Variants in TENM4 observed in about 807,000 individuals in gnomAD.
TENM4 encodes the protein teneurin-4.
A neutral mutation model predicts 243.3 loss-of-function variants in TENM4; 82 were observed. The ratio of observed to expected loss-of-function variants is 0.34; its 90% CI spans 0.28 to 0.40. TENM4 has a LOEUF of 0.40. TENM4 is among the 10% of genes least tolerant of loss of function. The pLI, the probability that TENM4 is intolerant of heterozygous loss-of-function variation, is 1.00. For synonymous variants in TENM4, 1,412 were observed against 1,456.3 expected, an observed-to-expected ratio of 0.97 and a Z score of 0.69; for missense variants, 3,138 against 3,673.3, an observed-to-expected ratio of 0.85 and a Z score of 3.77.
At chr11:79,383,992 C>A (rs1189706217) in intron 1 of TENM4, among the ~76,000 whole-genome samples, 1 of 152,116 alleles carries the variant, frequency 6.6e-6, no homozygotes, top group Non-Finnish European at 1.5e-5. Flanking sequence ...ATCAAGATAA[C>A]CTGCCCCCCC....
intron 6 of TENM4, among the ~76,000 whole-genome samples, chr11:78,991,407 A>C (rs2136664524): frequency 6.6e-6 from 1 of 152,302 alleles, no homozygotes; most frequent in East Asian, 1.9e-4. Flanking sequence ...CTGAGAAAGA[A>C]AGGCAGGATG....
At chr11:79,432,984 C>T (rs1388516164) in intron 1 of TENM4, among the ~76,000 whole-genome samples, 1 of 152,164 alleles carries the variant, frequency 6.6e-6, no homozygotes, top group Admixed American at 6.5e-5. Flanking sequence ...TTTTCCATCT[C>T]CTATAGGATC....
At chr11:79,361,515 A>G (rs1337075684) in intron 1 of TENM4, among the ~76,000 whole-genome samples, 3 of 152,144 alleles carry the variant, frequency 2.0e-5, no homozygotes, top group African/African-American at 4.8e-5. Flanking sequence ...TCACACTCCC[A>G]GTGTTGCTAG....
chr11:79,284,024 A>G (rs990394975), intron 2 of TENM4, among the ~76,000 whole-genome samples: 1 of 152,230 alleles, frequency 6.6e-6, no homozygotes, highest in Non-Finnish European at 1.5e-5. Flanking sequence ...TATACTAAAT[A>G]TTATAAAACA....
At chr11:78,879,055 G>A (rs1331029373) in intron 9 of TENM4, among the ~76,000 whole-genome samples, 2 of 151,254 alleles carry the variant, frequency 1.3e-5, no homozygotes, top group African/African-American at 4.9e-5. Flanking sequence ...CCCCATCTAG[G>A]AAGTGAGGAG....
intron 25 of TENM4, among the ~76,000 whole-genome samples, chr11:78,718,237 G>C (rs1166423106): frequency 3.3e-5 from 5 of 152,156 alleles, no homozygotes; most frequent in African/African-American, 1.2e-4. Context: ...GCTGAACCCA[G>C]GCTCTCTGTC....
intron 6 of TENM4, among the ~76,000 whole-genome samples, chr11:78,946,968 C>A (rs1184024160): frequency 6.6e-6 from 1 of 152,158 alleles, no homozygotes; most frequent in East Asian, 1.9e-4. Context: ...ATGCTGTGAA[C>A]ATTGTTGAAA....
chr11:79,280,980 A>G (rs1856147696), intron 2 of TENM4, among the ~76,000 whole-genome samples: 1 of 152,170 alleles, frequency 6.6e-6, no homozygotes, highest in African/African-American at 2.4e-5. Flanking sequence ...GTCACAGTCA[A>G]TTTGTTTTTC....
In TENM4 at chr11:79,065,016, A is replaced by T. The variant is rs1160254386; in HGVS notation, c.224-9T>A. The T allele has an allele frequency of 2.1e-5, 31 of 1,455,208 alleles. No individual in the cohort carries two copies. The highest frequency in any genetic ancestry group is 1.9e-4 in the South Asian group (13 of 68,538). 90.1% of individuals were successfully genotyped at this position (1,455,208 alleles called of 1,614,324 possible). A position where few individuals can be genotyped will look rare whatever the true frequency, so the allele number is the denominator to read the frequency against. ...CAGGGTGAAGTTGGCACCTGGGAGG[A>T]AACACAGGTGAACTTGGTTAGGGCA... On this transcript the variant is annotated splice_polypyrimidine_tract_variant and intron_variant, in intron 5 of 33. Coordinates refer to ENST00000278550, the MANE Select transcript of TENM4 (RefSeq NM_001098816.3).
chr11:78,904,229 G>A (rs148577530), intron 6 of TENM4, among the ~76,000 whole-genome samples: 5,703 of 151,590 alleles, frequency 0.038, 337 homozygotes, highest in African/African-American at 0.12. Context: ...GCGTGGTGGC[G>A]GGCGCCTGTA....
At chr11:78,667,966 GGCT>G (rs1182053993) in intron 32 of TENM4, among the ~76,000 whole-genome samples, 3 of 152,186 alleles carry the variant, frequency 2.0e-5, no homozygotes, top group Non-Finnish European at 4.4e-5. Context: ...GGAGGGCTGT[GGCT>G]GCTGGAGACA....
chr11:78,974,219 T>C (rs769984359), intron 6 of TENM4, among the ~76,000 whole-genome samples: 1 of 152,218 alleles, frequency 6.6e-6, no homozygotes, highest in South Asian at 2.1e-4. Flanking sequence ...GGGTACTCAC[T>C]ACATATTACA....
In TENM4 at chr11:78,658,153, C is replaced by T. The variant is rs370869672; in HGVS notation, c.8215G>A (p.Gly2739Ser). Residue 2739 changes from glycine to serine, a missense_variant, in exon 34 of 34, where the codon GGC becomes AGC. Coordinates refer to ENST00000278550, the MANE Select transcript of TENM4 (RefSeq NM_001098816.3). Reference protein sequence around the residue: ...LSTGRVQGYDGFFVISVEQYP... With the variant: ...LSTGRVQGYDSFFVISVEQYP... ...TGCTCGACAGAGATCACGAAAAAGC[C>T]GTCGTAGCCTTGCACCCGCCCTGTG... The T allele has an allele frequency of 3.7e-5, 59 of 1,613,908 alleles. No individual in the cohort carries two copies. The highest frequency in any genetic ancestry group is 1.7e-4 in the African/African-American group (13 of 74,944).
rs1217901381 is a variant in TENM4 at position 79,440,694 on chromosome 11, C to G, written c.-506G>C. 1.3e-5 allele frequency: 2 copies of G among 152,156 alleles called. No individual in the cohort carries two copies. The highest frequency in any genetic ancestry group is 4.8e-5 in the African/African-American group (2 of 41,416). The allele number at this position is 152,156 out of a possible 1,614,324, so 9.4% of individuals were successfully genotyped here. The stretch of plus-strand genomic sequence containing the variant: ...CTCCAGCGAGACCAACAATAGCTCC[C>G]GCGGGGAGCGGAGCCCCAGCGAGCC... On this transcript the variant is annotated 5_prime_UTR_variant, in exon 1 of 34. Coordinates refer to ENST00000278550, the MANE Select transcript of TENM4 (RefSeq NM_001098816.3). This position sits in a 1 kb window ranked among gnomAD's most constrained non-coding sequence, Gnocchi z 4.7.
At chr11:78,999,211 TC>T (rs571504324) in intron 6 of TENM4, among the ~76,000 whole-genome samples, 1 of 152,228 alleles carries the variant, frequency 6.6e-6, no homozygotes, top group East Asian at 1.9e-4. Context: ...CCAGACATGT[TC>T]TAAACAAAGA....
intron 16 of TENM4, among the ~76,000 whole-genome samples, chr11:78,786,469 C>T (rs1311328943): frequency 6.6e-6 from 1 of 152,228 alleles, no homozygotes; most frequent in Non-Finnish European, 1.5e-5. Flanking sequence ...CACTGTATGC[C>T]AGCCTTTGCT....
At chr11:79,260,382 A>G (rs12277426) in intron 2 of TENM4, among the ~76,000 whole-genome samples, 6,167 of 152,252 alleles carry the variant, frequency 0.041, 426 homozygotes, top group African/African-American at 0.14. Flanking sequence ...CCTTTAATGA[A>G]CACATTCCAT....
At chr11:79,121,977 C>G (rs931723899) in intron 4 of TENM4, among the ~76,000 whole-genome samples, 2 of 152,168 alleles carry the variant, frequency 1.3e-5, no homozygotes, top group Non-Finnish European at 2.9e-5. Flanking sequence ...TTGATGTTGT[C>G]CAAACCTTTT....
intron 20 of TENM4, among the ~76,000 whole-genome samples, chr11:78,735,653 G>A (rs1406474410): frequency 2.0e-5 from 3 of 152,186 alleles, no homozygotes; most frequent in Non-Finnish European, 4.4e-5. Context: ...CCCAAACAGC[G>A]CAGGGCCATT....
Sources: allele counts gnomAD v4.1 joint callset (sites outside exome capture counted in the v4.1 genomes callset), GRCh38; gene constraint gnomAD v4.1.1; non-coding constraint Gnocchi (gnomAD v3.1); transcripts MANE v1.5; gene names NCBI Gene and HGNC (gene_info 2026-07-23, HGNC 2026-07-21).